TTC27: variants seen among roughly 807,000 people sequenced by gnomAD.
The protein encoded by TTC27 is tetratricopeptide repeat protein 27.
In TTC27, 79 loss-of-function variants were observed where a neutral mutation model predicts 115.9. The ratio of observed to expected loss-of-function variants is 0.68; its 90% CI spans 0.57 to 0.82. The LOEUF (loss-of-function observed/expected upper bound fraction) is 0.82, where lower values mean the gene tolerates loss of function less well. TTC27 is among the 40% of genes least tolerant of loss of function. The probability of loss-of-function intolerance (pLI) is 0.00; values close to 1 mark genes in which losing one functional copy is unlikely to be tolerated. For synonymous variants in TTC27, 401 were observed against 356.0 expected (o/e 1.13, Z -1.42); for missense variants, 1,054 against 993.1 (o/e 1.06, Z -0.82).
intron 12 of TTC27, among the ~76,000 whole-genome samples, chr2:32,740,635 C>T (rs1668600066): frequency 1.3e-5 from 2 of 151,952 alleles, no homozygotes; most frequent in Admixed American, 6.6e-5. Flanking sequence ...TTACAGACAA[C>T]TTTATTTATT....
chr2:32,693,014 A>T (rs1666869028), intron 9 of TTC27, among the ~76,000 whole-genome samples: 1 of 152,066 alleles, frequency 6.6e-6, no homozygotes, highest in South Asian at 2.1e-4. Context: ...ATTAAGATAA[A>T]TTAATGAAGA....
At chr2:32,678,236 C>G (rs922580167) in intron 8 of TTC27, among the ~76,000 whole-genome samples, 3 of 129,832 alleles carry the variant, frequency 2.3e-5, no homozygotes, top group African/African-American at 8.9e-5. Flanking sequence ...GCCTGGGTGA[C>G]ACAGTGAGCC....
chr2:32,817,518 T>G lies in TTC27; in HGVS notation c.2370T>G (p.Ser790=), dbSNP rs780825070. ...SSQEAVQMLS[S]VRLNLRGLLS... is the part of the protein sequence containing the mutation. ...AAGAAGCTGTACAAATGCTTTCTTC[T>G]GTTCGACTCAATTTACGGGGCTTGT... The change falls in exon 19 of 20, where the codon TCT becomes TCG. Residue 790 remains serine (S), a synonymous_variant. Coordinates refer to ENST00000317907, the MANE Select transcript of TTC27 (RefSeq NM_017735.5). The G allele has an allele frequency of 1.2e-6, 2 of 1,614,134 alleles. No individual in the cohort carries two copies. Among genetic ancestry groups the G allele is most frequent in the South Asian group, 2.2e-5 (2 of 91,076 alleles).
chr2:32,753,051 C>G (rs1338849994), intron 12 of TTC27, among the ~76,000 whole-genome samples: 2 of 152,184 alleles, frequency 1.3e-5, no homozygotes, highest in Non-Finnish European at 2.9e-5. Context: ...TCTGGCATTA[C>G]TCACGTAGTT....
chr2:32,711,041 C>G (rs1667558351), intron 10 of TTC27, among the ~76,000 whole-genome samples: 1 of 144,828 alleles, frequency 6.9e-6, no homozygotes, highest in South Asian at 2.2e-4. Context: ...GGCTTGAACC[C>G]AGGAGGCAGA....
At chr2:32,709,865 TAA>T (rs1667516385) in intron 10 of TTC27, among the ~76,000 whole-genome samples, 1 of 152,246 alleles carries the variant, frequency 6.6e-6, no homozygotes, top group African/African-American at 2.4e-5. Context: ...ACCATTGTTT[TAA>T]AGTTTATTAA....
At chr2:32,818,058 C>CAA (rs777610277) in intron 19 of TTC27, among the ~76,000 whole-genome samples, 2 of 133,054 alleles carry the variant, frequency 1.5e-5, no homozygotes, top group Non-Finnish European at 1.6e-5. Context: ...TACCATGTCC[C>CAA]AAAAAAAAAA....
intron 16 of TTC27, among the ~76,000 whole-genome samples, chr2:32,794,762 T>C (rs1349752886): frequency 6.6e-6 from 1 of 152,160 alleles, no homozygotes; most frequent in Non-Finnish European, 1.5e-5. Context: ...GGGACATTAC[T>C]ACTGATTCTA....
intron 10 of TTC27, among the ~76,000 whole-genome samples, chr2:32,718,742 C>G (rs1667829593): frequency 2.6e-5 from 4 of 152,160 alleles, no homozygotes. Flanking sequence ...AGACTCTGCA[C>G]TGTGACCAGA....
chr2:32,644,351 C>CAA (rs775944771), intron 4 of TTC27, among the ~76,000 whole-genome samples: 3 of 113,488 alleles, frequency 2.6e-5, no homozygotes, highest in African/African-American at 9.8e-5. Context: ...ACTCTGTCTC[C>CAA]AAAAAAAAAA....
In TTC27 at chr2:32,702,844, C is replaced by A. The variant is rs1386580863; in HGVS notation, c.1157C>A (p.Thr386Lys). The change falls in exon 10 of 20, where the codon ACA becomes AAA. Residue 386 changes from threonine to lysine, a missense_variant. Transcript: ENST00000317907. ...CAACCAAAGTTCTGGGCCATTCAGA[C>A]ATCAGCCTTGATCCTCCGGACAAAA... is the stretch of plus-strand genomic sequence containing the variant. ...LSQPKFWAIQ[T>K]SALILRTKLE... 3 of 1,614,094 alleles carry A rather than the reference C, an allele frequency of 1.9e-6. No homozygotes were observed. Among genetic ancestry groups the A allele is most frequent in the East Asian group, 4.5e-5 (2 of 44,868 alleles).
chr2:32,809,641 C>A (rs541651165), intron 16 of TTC27, among the ~76,000 whole-genome samples: 1 of 152,334 alleles, frequency 6.6e-6, no homozygotes, highest in South Asian at 2.1e-4. Context: ...TTTGCTGTCC[C>A]ACCATCAAAG....
intron 16 of TTC27, among the ~76,000 whole-genome samples, chr2:32,793,411 G>A (rs1226829742): frequency 6.6e-6 from 1 of 152,164 alleles, no homozygotes. Context: ...GGGTCCTGCA[G>A]GGTGAAAAGA....
At chr2:32,637,841 A>G (rs995064511) in intron 3 of TTC27, among the ~76,000 whole-genome samples, 2 of 152,162 alleles carry the variant, frequency 1.3e-5, no homozygotes, top group Admixed American at 1.3e-4. Context: ...TGGGGTTCTC[A>G]CAGAATACCT....
At chr2:32,818,142 T>C (rs1671568380) in intron 19 of TTC27, among the ~76,000 whole-genome samples, 1 of 152,176 alleles carries the variant, frequency 6.6e-6, no homozygotes, top group Admixed American at 6.5e-5. Context: ...AATGCTCTTG[T>C]ATTTATTGTC....
intron 14 of TTC27, chr2:32,780,172 G>A: frequency 2.4e-6 from 1 of 422,800 alleles, no homozygotes. Context: ...AGCATTCCTT[G>A]AATTTTCCTA....
chr2:32,668,204 TAAAC>T (rs919204842), intron 7 of TTC27, among the ~76,000 whole-genome samples: 5 of 148,462 alleles, frequency 3.4e-5, no homozygotes, highest in African/African-American at 1.2e-4. Flanking sequence ...AAAAAGAAAA[TAAAC>T]AAAAAAACAA....
At chr2:32,773,954 C>T (rs1014762912) in intron 13 of TTC27, among the ~76,000 whole-genome samples, 1 of 152,112 alleles carries the variant, frequency 6.6e-6, no homozygotes, top group African/African-American at 2.4e-5. Flanking sequence ...ACAATGGACA[C>T]TTGAAATGTG....
rs189996762 is a variant in TTC27, at chr2:32,716,345, A to T, written c.1233+13425A>T. Among the ~76,000 whole-genome samples the T allele has an allele frequency of 6.6e-4, 100 of 152,324 alleles. 1 individual carries two copies. The highest frequency in any genetic ancestry group is 8.1e-4 in the Non-Finnish European group (55 of 68,036). ...AATTAATATTTTATTTTTAAACTGC[A>T]TATTACAAATTTTAGTACTGCATAT... On this transcript the variant is annotated intron_variant, in intron 10 of 19. Coordinates refer to ENST00000317907, the MANE Select transcript of TTC27 (RefSeq NM_017735.5).
Sources: gnomAD v4.1 joint callset for allele counts (sites outside exome capture counted in the v4.1 genomes callset) on GRCh38, gnomAD v4.1.1 for gene constraint, MANE v1.5 for transcripts, NCBI Gene and HGNC (gene_info 2026-07-23, HGNC 2026-07-21) for gene names.